The following MEAK7 variants were observed in gnomAD, a reference collection of about 807,000 sequenced individuals.
MEAK7 encodes MTOR associated protein MEAK7.
MEAK7 carries 68 observed loss-of-function variants against 40.5 expected under a neutral mutation model. The observed-to-expected ratio is 1.68, with a 90% confidence interval of 1.38 to 2.06. MEAK7 has a LOEUF of 2.06. Ranked by LOEUF, MEAK7 falls within the 30% of genes most tolerant of loss-of-function variation. MEAK7 has a pLI of 0.00. For missense variants in MEAK7, 918 were observed against 580.5 expected, an observed-to-expected ratio of 1.58 and a Z score of -5.98; for synonymous variants, 338 against 231.9, an observed-to-expected ratio of 1.46 and a Z score of -4.16.
intron 1 of MEAK7, among the ~76,000 whole-genome samples, chr16:84,498,686 G>C (rs1597967819): frequency 6.6e-6 from 1 of 152,116 alleles, no homozygotes; most frequent in Admixed American, 6.6e-5. Context: ...CAAAGTCTGG[G>C]TTTGAGAACA....
At chr16:84,482,498 G>A (rs763078326) in intron 6 of MEAK7, 94 bp downstream of exon 6, 134 of 1,591,856 alleles carry the variant, frequency 8.4e-5, no homozygotes, top group South Asian at 2.6e-4. Flanking sequence ...AATGCCACGC[G>A]CCCTGCCCTG....
chr16:84,501,076 C>T (rs1395832169), intron 1 of MEAK7, among the ~76,000 whole-genome samples: 1 of 107,990 alleles, frequency 9.3e-6, no homozygotes, highest in Non-Finnish European at 1.7e-5. Context: ...GCCTGGGCAA[C>T]AGAGTTAGAC....
chr16:84,500,891 G>A (rs749918625), intron 1 of MEAK7, among the ~76,000 whole-genome samples: 2 of 152,024 alleles, frequency 1.3e-5, no homozygotes, highest in East Asian at 3.9e-4. Context: ...TCAGGAGTTC[G>A]AAACTAGGTT....
At chr16:84,501,093 CAAAAAAAAAAA>C (rs1914460678) in intron 1 of MEAK7, among the ~76,000 whole-genome samples, 1 of 27,818 alleles carries the variant, frequency 3.6e-5, no homozygotes, top group Non-Finnish European at 8.0e-5. Context: ...AGACTCGTCT[CAAAAAAAAAAA>C]GAAAAAAAAA....
At chr16:84,496,200 T>C (rs775491882) in intron 2 of MEAK7, among the ~76,000 whole-genome samples, 1 of 152,138 alleles carries the variant, frequency 6.6e-6, no homozygotes, top group Non-Finnish European at 1.5e-5. Flanking sequence ...CGCCTCCACA[T>C]ATCCCCACGT....
chr16:84,489,328 G>C lies in MEAK7; in HGVS notation c.479C>G (p.Pro160Arg), dbSNP rs765011136. 11 of 1,614,054 alleles carry C rather than the reference G, an allele frequency of 6.8e-6. No individual in the cohort carries two copies. The highest frequency in any genetic ancestry group is 8.5e-6 in the Non-Finnish European group (10 of 1,180,028). ...WTGKEAPGPN[P>R]RVQVLAAQLL... ...CTGAGCAGCCAGCACCTGCACCCGG[G>C]GGTTGGGCCCTGGGGCTTCCTTCCC... The change falls in exon 4 of 8, where the codon CCC (proline) becomes CGC (arginine). Residue 160 changes from proline to arginine, a missense_variant. Physicochemically the swap from Pro to Arg is moderately radical, Grantham distance 103 (BLOSUM62 -2). Transcript: ENST00000343629.
chr16:84,489,769 C>A (rs1005176805), intron 3 of MEAK7, among the ~76,000 whole-genome samples: 2 of 152,136 alleles, frequency 1.3e-5, no homozygotes, highest in African/African-American at 2.4e-5. Flanking sequence ...AATCCCTGAT[C>A]TCCCCAAATT....
chr16:84,489,785 G>A (rs774355463), intron 3 of MEAK7, among the ~76,000 whole-genome samples: 3 of 152,154 alleles, frequency 2.0e-5, no homozygotes, highest in East Asian at 3.8e-4. Context: ...AAATTTGGTT[G>A]AGATCTAAGG....
rs1387104972 is a variant in MEAK7 at position 84,489,497 on chromosome 16, G to GGGC, written c.385-78_385-76dup. On this transcript the variant is annotated intron_variant, in intron 3 of 7. Coordinates refer to ENST00000343629, the MANE Select transcript of MEAK7 (RefSeq NM_020947.4). ...ACCTATGTCATGCCCACATGGAGAA[G>GGGC]GGCAATTTTCTTTAACACCAACTAT... The GGGC allele has an allele frequency of 1.3e-5, 19 of 1,493,260 alleles. No individual in the cohort carries two copies. In the African/African-American group the frequency reaches 2.7e-4, roughly 21 times the overall value. The allele number at this position is 1,493,260 out of a possible 1,614,324, so 92.5% of individuals were successfully genotyped here. A position where few individuals can be genotyped will look rare whatever the true frequency, so the allele number is the denominator to read the frequency against.
chr16:84,503,929 C>G, intron 1 of MEAK7: 3 of 985,544 alleles, frequency 3.0e-6, no homozygotes, highest in Non-Finnish European at 3.6e-6. Flanking sequence ...GCCCCGCATC[C>G]CTAGAGCCAC....
At chr16:84,487,390 G>A in intron 4 of MEAK7, 1 of 291,442 alleles carries the variant, frequency 3.4e-6, no homozygotes, top group Non-Finnish European at 6.5e-6. Context: ...TTCACATGGG[G>A]CTTGCTTTGT....
intron 3 of MEAK7, among the ~76,000 whole-genome samples, chr16:84,492,355 A>T (rs185195752): frequency 1.3e-5 from 2 of 152,144 alleles, no homozygotes; most frequent in African/African-American, 4.8e-5. Context: ...GGTCAAGATG[A>T]TTAAAATTTA....
At chr16:84,489,472 A>C in intron 3 of MEAK7, 50 bp from the exon 4 acceptor site, 1 of 1,545,504 alleles carries the variant, frequency 6.5e-7, no homozygotes, top group Non-Finnish European at 8.8e-7. Context: ...ATATCCTGAG[A>C]CCTATGTCAT....
Position 84,486,962 on chromosome 16 carries a change from G to A in MEAK7, c.627C>T (p.Phe209=), listed in dbSNP as rs1189652146. The change falls in exon 5 of 8, where the codon TTC becomes TTT. Residue 209 remains phenylalanine (F), a synonymous_variant. Transcript: ENST00000343629. ...AGCCCTTGCAAATGACCACACTCAG[G>A]AATATGGCCACATGGGGGACCCTGA... ...WVFRVPHVAI[F]LSVVICKGFL... The A allele has an allele frequency of 5.0e-6, 8 of 1,614,028 alleles. No homozygotes were observed. Among genetic ancestry groups the A allele is most frequent in the Non-Finnish European group, 6.8e-6 (8 of 1,180,026 alleles).
intron 3 of MEAK7, among the ~76,000 whole-genome samples, chr16:84,491,695 G>A (rs1229203754): frequency 1.3e-5 from 2 of 151,750 alleles, no homozygotes; most frequent in Admixed American, 6.6e-5. Context: ...AAAATTACCT[G>A]GGCGTGGTGG....
intron 5 of MEAK7, 160 bp downstream of exon 5, chr16:84,486,471 C>T (rs573742256): frequency 4.0e-4 from 576 of 1,428,776 alleles, no homozygotes; most frequent in Non-Finnish European, 5.0e-4. Context: ...GTGATAAACA[C>T]CATAGAGCAG....
At chr16:84,493,273 TG>T (rs1913776973) in intron 3 of MEAK7, among the ~76,000 whole-genome samples, 1 of 152,228 alleles carries the variant, frequency 6.6e-6, no homozygotes, top group South Asian at 2.1e-4. Context: ...CATCCACAAT[TG>T]TTTTACTTTG....
At position 84,492,587 on chromosome 16, in the gene MEAK7, T is replaced by G. The variant is rs202024251; in HGVS notation, c.384+3096A>C. On this transcript the variant is annotated intron_variant, in intron 3 of 7. Transcript: ENST00000343629. ...TGTTTTATTTTATTTATTTATTTAT[T>G]TATTTATTTTTGGAGATGAAGTCTG... Among the ~76,000 whole-genome samples the G allele has an allele frequency of 2.0e-5, 3 of 151,596 alleles. No individual in the cohort carries two copies. In the East Asian group the frequency reaches 5.8e-4, roughly 29 times the overall value.
chr16:84,499,078 G>A (rs149699309), intron 1 of MEAK7, among the ~76,000 whole-genome samples: 576 of 152,310 alleles, frequency 3.8e-3, no homozygotes, highest in Middle Eastern at 0.034. Context: ...CGGCCCGTGA[G>A]CCTCATCTGT....
Sources: gnomAD v4.1 joint callset for allele counts (sites outside exome capture counted in the v4.1 genomes callset) on GRCh38, gnomAD v4.1.1 for gene constraint, MANE v1.5 for transcripts, NCBI Gene and HGNC (gene_info 2026-07-23, HGNC 2026-07-21) for gene names.